Variants in GPHN observed in about 807,000 individuals in gnomAD.
GPHN encodes gephyrin.
A neutral mutation model predicts 95.5 loss-of-function variants in GPHN; 17 were observed. The observed-to-expected ratio is 0.18, with a 90% CI of 0.12 to 0.27. The LOEUF is 0.27. Ranked by LOEUF, GPHN falls within the 10% of genes least tolerant of loss-of-function variation. The probability of loss-of-function intolerance (pLI) is 1.00; values close to 1 mark genes in which losing one functional copy is unlikely to be tolerated. For synonymous variants in GPHN, 320 were observed against 322.5 expected (o/e 0.99, Z 0.08); for missense variants, 660 against 978.1 (o/e 0.67, Z 4.34).
intron 1 of GPHN, among the ~76,000 whole-genome samples, chr14:66,579,458 A>G (rs921573108): frequency 2.6e-5 from 4 of 151,826 alleles, no homozygotes; most frequent in Non-Finnish European, 4.4e-5. Context: ...GCTGTTAATA[A>G]GAGACTCATT....
the GPHN span, chr14:67,338,589 T>C: frequency 1.2e-6 from 2 of 1,603,704 alleles, no homozygotes; most frequent in South Asian, 1.1e-5. Flanking sequence ...AAGCCAGTGT[T>C]AGGGTTTCTC....
intron 2 of GPHN, among the ~76,000 whole-genome samples, chr14:66,728,510 A>G (rs1054098564): frequency 6.6e-6 from 1 of 152,236 alleles, no homozygotes; most frequent in Non-Finnish European, 1.5e-5. Flanking sequence ...ACCCAAGACC[A>G]TAGGAACCCA....
the GPHN span, chr14:67,620,001 G>T: frequency 6.2e-7 from 1 of 1,608,212 alleles, no homozygotes; most frequent in South Asian, 1.1e-5. Flanking sequence ...GCAGCCTCTC[G>T]CGTCTCCTCC....
the GPHN span, among the ~76,000 whole-genome samples, chr14:67,372,728 T>G: frequency 6.6e-6 from 1 of 151,746 alleles, no homozygotes; most frequent in Admixed American, 6.6e-5. Flanking sequence ...CTCAAGAGGC[T>G]GAGGCAGGAG....
the GPHN span, chr14:67,647,063 T>A: frequency 7.9e-7 from 1 of 1,273,466 alleles, no homozygotes; most frequent in Non-Finnish European, 1.1e-6. Context: ...AAACCCCCAA[T>A]GGGCAACACA....
In GPHN at chr14:66,843,069, C is replaced by T. The variant is rs182818806; in HGVS notation, c.294+18503C>T. Among the ~76,000 whole-genome samples the T allele has an allele frequency of 6.5e-3, 987 of 152,158 alleles. 15 individuals are homozygous for T. The highest frequency in any genetic ancestry group is 0.023 in the African/African-American group (940 of 41,530). On this transcript the variant is annotated intron_variant, in intron 4 of 22. Coordinates refer to ENST00000478722, the MANE Select transcript of GPHN (RefSeq NM_020806.5). ...TGCTGAGAGCTTGCTATTACACTAC[C>T]CAACTGCTTCTGATGATCTGTCATT...
the GPHN span, among the ~76,000 whole-genome samples, chr14:67,225,972 C>CGCGTGCGCATGCGCGT: frequency 1.9e-5 from 2 of 107,260 alleles, no homozygotes; most frequent in Non-Finnish European, 4.5e-5. Context: ...TGCGCGCGCG[C>CGCGTGCGCATGCGCGT]GCGTGCGCAT....
At chr14:67,303,195 G>A in the GPHN span, among the ~76,000 whole-genome samples, 2 of 152,178 alleles carry the variant, frequency 1.3e-5, no homozygotes, top group African/African-American at 2.4e-5. Flanking sequence ...AGTATAATCA[G>A]AAAATCATTT....
chr14:67,296,278 T>TA, the GPHN span, among the ~76,000 whole-genome samples: 3 of 152,152 alleles, frequency 2.0e-5, no homozygotes, highest in Non-Finnish European at 2.9e-5. Flanking sequence ...TCTTGAATGC[T>TA]AAGTAAGCAT....
At chr14:67,393,690 G>GT in the GPHN span, among the ~76,000 whole-genome samples, 1 of 152,132 alleles carries the variant, frequency 6.6e-6, no homozygotes, top group Non-Finnish European at 1.5e-5. Flanking sequence ...CTGACCTCAA[G>GT]TGATCCGCCT....
chr14:66,771,020 C>T (rs1275007818), intron 2 of GPHN, among the ~76,000 whole-genome samples: 2 of 152,088 alleles, frequency 1.3e-5, no homozygotes, highest in Non-Finnish European at 2.9e-5. Flanking sequence ...TAAAAGGATT[C>T]TCAGGCCTCT....
the GPHN span, chr14:67,472,776 A>G: frequency 6.5e-6 from 1 of 152,842 alleles, no homozygotes; most frequent in African/African-American, 2.4e-5. Flanking sequence ...TGAAACCTCC[A>G]AAAGCCCAAG....
the GPHN span, among the ~76,000 whole-genome samples, chr14:67,507,341 C>A: frequency 6.6e-6 from 1 of 151,998 alleles, no homozygotes; most frequent in South Asian, 2.1e-4. Flanking sequence ...AGAACAACAT[C>A]CTGTCTCTAA....
intron 4 of GPHN, among the ~76,000 whole-genome samples, chr14:66,845,329 C>G (rs1555422236): frequency 1.3e-5 from 2 of 151,836 alleles, no homozygotes; most frequent in Non-Finnish European, 2.9e-5. Context: ...TTAATAAGTC[C>G]AAGATATGAT....
chr14:67,035,248 A>G (rs1419236907), intron 10 of GPHN, among the ~76,000 whole-genome samples: 1 of 152,002 alleles, frequency 6.6e-6, no homozygotes, highest in Non-Finnish European at 1.5e-5. Context: ...CAAAAGCAAT[A>G]CTAAGAGAGA....
At chr14:66,988,136 C>T (rs1223476391) in intron 9 of GPHN, among the ~76,000 whole-genome samples, 1 of 151,674 alleles carries the variant, frequency 6.6e-6, no homozygotes, top group East Asian at 1.9e-4. Flanking sequence ...TCTTTCTTTT[C>T]TAGCTGCGGC....
At position 66,615,833 on chromosome 14, in the gene GPHN, G is replaced by GT. The variant is rs948244178; in HGVS notation, c.65-65264dup. The stretch of plus-strand genomic sequence containing the variant: ...TGATATTGCCTAGGTTTTCTTGTAG[G>GT]TTTTTTTTTTATGGTTTTGGGTTTT... On this transcript the variant is annotated intron_variant, in intron 1 of 22. Transcript: ENST00000478722. Among the ~76,000 whole-genome samples the GT allele has an allele frequency of 4.7e-4, 69 of 147,452 alleles. 2 individuals are homozygous for GT. Among genetic ancestry groups the GT allele is most frequent in the South Asian group, 1.9e-3 (9 of 4,658 alleles).
chr14:67,487,257 C>G, the GPHN span: 3 of 152,280 alleles, frequency 2.0e-5, no homozygotes, highest in African/African-American at 4.8e-5. Flanking sequence ...GGGCTCTGGG[C>G]TCAGCACCAG....
At chr14:67,420,252 G>C in the GPHN span, among the ~76,000 whole-genome samples, 1 of 152,214 alleles carries the variant, frequency 6.6e-6, no homozygotes, top group African/African-American at 2.4e-5. Flanking sequence ...TCTGAGGCTG[G>C]CATTGAAGAG....
Sources: allele counts gnomAD v4.1 joint callset (sites outside exome capture counted in the v4.1 genomes callset), GRCh38; gene constraint gnomAD v4.1.1; transcripts MANE v1.5; gene names NCBI Gene and HGNC (gene_info 2026-07-23, HGNC 2026-07-21).